Variants in PAK1 observed in about 807,000 individuals in gnomAD.
The protein encoded by PAK1 is serine/threonine-protein kinase PAK 1.
Under a neutral mutation model 67.4 loss-of-function variants are expected in PAK1, and 29 were observed. That is an observed-to-expected ratio of 0.43 (90% CI 0.32 to 0.59). The LOEUF (loss-of-function observed/expected upper bound fraction) is 0.59. Among genes scored for constraint, PAK1 ranks in the 20% least tolerant of loss-of-function variants. The pLI is 0.07. For missense variants in PAK1, 337 were observed against 670.7 expected, an observed-to-expected ratio of 0.50 and a Z score of 5.50; for synonymous variants, 223 against 237.4, an observed-to-expected ratio of 0.94 and a Z score of 0.56.
In PAK1 at chr11:77,341,712, C is replaced by G. The variant is rs542218336; in HGVS notation, c.999-949G>C. 4.6e-5 allele frequency among the ~76,000 whole-genome samples: 7 copies of G among 152,316 alleles called. No individual in the cohort carries two copies. The South Asian group carries it at 1.0e-3, about 23-fold the overall frequency. The stretch of plus-strand genomic sequence containing the variant: ...ACAAAGAAGCTGGATTGGAAAAAAA[C>G]ATTTCTTGCATTGGCTTGAACTGTG... On this transcript the variant is annotated intron_variant, in intron 10 of 14. Transcript: ENST00000356341.
At chr11:77,389,281 A>C (rs1423762661) in intron 2 of PAK1, among the ~76,000 whole-genome samples, 1 of 152,206 alleles carries the variant, frequency 6.6e-6, no homozygotes, top group African/African-American at 2.4e-5. Context: ...TTTGTTACCA[A>C]ATATTTCATT....
At chr11:77,510,780 T>A in the PAK1 span, among the ~76,000 whole-genome samples, 1 of 152,224 alleles carries the variant, frequency 6.6e-6, no homozygotes, top group African/African-American at 2.4e-5. Context: ...TCTTCCCTTT[T>A]CATAGCAACC....
At chr11:77,413,852 C>T (rs547300625) in intron 1 of PAK1, among the ~76,000 whole-genome samples, 16 of 152,232 alleles carry the variant, frequency 1.1e-4, no homozygotes, top group African/African-American at 3.6e-4. Flanking sequence ...TCCTTCATCC[C>T]AATTTACACA....
chr11:77,383,429 A>G (rs992573416), intron 2 of PAK1, among the ~76,000 whole-genome samples: 4 of 151,454 alleles, frequency 2.6e-5, no homozygotes, highest in Non-Finnish European at 5.9e-5. Flanking sequence ...GGTTCAAGCA[A>G]TTCTCCCTGC....
chr11:77,411,893 T>C (rs1174779327), intron 1 of PAK1: 2 of 152,254 alleles, frequency 1.3e-5, no homozygotes, highest in East Asian at 3.9e-4. Context: ...TCGATTCAGC[T>C]GGGCTGGGCT....
chr11:77,421,952 G>A (rs1192673854), intron 1 of PAK1, among the ~76,000 whole-genome samples: 1 of 152,122 alleles, frequency 6.6e-6, no homozygotes, highest in East Asian at 1.9e-4. Flanking sequence ...AATCCCATAA[G>A]TTTTCCTCCC....
chr11:77,481,904 T>A, the PAK1 span, among the ~76,000 whole-genome samples: 5 of 152,188 alleles, frequency 3.3e-5, no homozygotes, highest in Admixed American at 2.6e-4. Context: ...CTGTACTTAT[T>A]AGGTACTAAA....
chr11:77,332,044 T>G (rs1440153324), intron 14 of PAK1, among the ~76,000 whole-genome samples: 1 of 151,894 alleles, frequency 6.6e-6, no homozygotes, highest in Non-Finnish European at 1.5e-5. Context: ...GGCCCATGCC[T>G]GTAGTCCCAG....
At chr11:77,423,610 C>T (rs183137929) in intron 1 of PAK1, among the ~76,000 whole-genome samples, 1 of 152,296 alleles carries the variant, frequency 6.6e-6, no homozygotes, top group Non-Finnish European at 1.5e-5. Flanking sequence ...CAAACTAATA[C>T]TCACTGTCTC....
At chr11:77,434,974 T>G (rs1956047340) in intron 1 of PAK1, among the ~76,000 whole-genome samples, 1 of 151,772 alleles carries the variant, frequency 6.6e-6, no homozygotes, top group South Asian at 2.1e-4. Flanking sequence ...TGTTGCCCAG[T>G]CTAGTTCCCA....
At chr11:77,506,052 G>T in the PAK1 span, among the ~76,000 whole-genome samples, 23 of 152,304 alleles carry the variant, frequency 1.5e-4, 1 homozygote, top group South Asian at 4.6e-3. Context: ...AGGGCTCCCA[G>T]TCAGGTTTGG....
intron 1 of PAK1, among the ~76,000 whole-genome samples, chr11:77,433,160 G>A (rs1405090250): frequency 6.6e-6 from 1 of 152,136 alleles, no homozygotes; most frequent in Non-Finnish European, 1.5e-5. Context: ...AATGAAAATT[G>A]ACCTCTATCA....
intron 1 of PAK1, among the ~76,000 whole-genome samples, chr11:77,451,523 C>G (rs1194365832): frequency 6.6e-6 from 1 of 152,150 alleles, no homozygotes; most frequent in Non-Finnish European, 1.5e-5. Flanking sequence ...TCCTCATTTC[C>G]TTATGAAGGC....
At chr11:77,440,050 C>T (rs771357334) in intron 1 of PAK1, among the ~76,000 whole-genome samples, 15 of 152,192 alleles carry the variant, frequency 9.9e-5, no homozygotes, top group Non-Finnish European at 1.6e-4. Flanking sequence ...TCCCCGGTGC[C>T]TCCACAGGTA....
chr11:77,475,907 C>T (rs1264569867), upstream of PAK1: 1 of 152,238 alleles, frequency 6.6e-6, no homozygotes, highest in Non-Finnish European at 1.5e-5. Context: ...CGCGGTGGCT[C>T]ACGCCTGTAA....
At position 77,445,781 on chromosome 11, in the gene PAK1, T is replaced by C. The variant is rs112445087; in HGVS notation, c.-22+27771A>G. Among the ~76,000 whole-genome samples the C allele has an allele frequency of 1.1e-3, 170 of 152,306 alleles. 1 individual carries two copies. In the Middle Eastern group the frequency reaches 0.031, roughly 27 times the overall value. ...TTGGGGCCAAGAGAGAGCTTAAAGA[T>C]CATGTAGTGCAATCCTGAAGCGGTA... On this transcript the variant is annotated intron_variant, in intron 1 of 14. Transcript: ENST00000356341.
At chr11:77,478,258 A>G (rs1958081488), upstream of PAK1, among the ~76,000 whole-genome samples, 1 of 151,924 alleles carries the variant, frequency 6.6e-6, no homozygotes, top group South Asian at 2.1e-4. Flanking sequence ...TTATTCAAGG[A>G]CTTGTTGTAT....
At chr11:77,361,377 C>G (rs1436003924) in intron 5 of PAK1, among the ~76,000 whole-genome samples, 1 of 152,094 alleles carries the variant, frequency 6.6e-6, no homozygotes, top group East Asian at 1.9e-4. Context: ...TCCCACAACC[C>G]TTAGGAATTC....
intron 2 of PAK1, among the ~76,000 whole-genome samples, chr11:77,384,033 GGTAA>G (rs1239392397): frequency 6.6e-6 from 1 of 152,134 alleles, no homozygotes; most frequent in Non-Finnish European, 1.5e-5. Context: ...TACAGAAGAA[GGTAA>G]GTAATAAACC....
Sources: gnomAD v4.1 joint callset for allele counts (sites outside exome capture counted in the v4.1 genomes callset) on GRCh38, gnomAD v4.1.1 for gene constraint, MANE v1.5 for transcripts, NCBI Gene and HGNC (gene_info 2026-07-23, HGNC 2026-07-21) for gene names.